LMTK3: variants seen among roughly 807,000 people sequenced by gnomAD.
The protein encoded by LMTK3 is serine/threonine-protein kinase LMTK3.
Under a neutral mutation model 116.7 loss-of-function variants are expected in LMTK3, and 27 were observed. That is an observed-to-expected ratio of 0.23 (90% confidence interval 0.17 to 0.32). The LOEUF is 0.32. LMTK3 is among the 10% of genes least tolerant of loss of function. The probability of loss-of-function intolerance (pLI) is 1.00; values close to 1 mark genes in which losing one functional copy is unlikely to be tolerated. For missense variants in LMTK3, 1,764 were observed against 2,068.5 expected (o/e 0.85, Z 2.86); for synonymous variants, 965 against 971.0 (o/e 0.99, Z 0.11).
chr19:48,485,443 A>C lies in LMTK3; in HGVS notation c.*330T>G. Reference sequence around the variant, plus strand: ...TGTCTTGGGCCAGGAGTGGGTGAGGAGGGACCTCCGCTGTGTCGAGGGGCT... The same window carrying C: ...TGTCTTGGGCCAGGAGTGGGTGAGGCGGGACCTCCGCTGTGTCGAGGGGCT... On this transcript the variant is annotated 3_prime_UTR_variant, in exon 15 of 15. Transcript: ENST00000600059. 1 of 288,206 alleles carries C rather than the reference A, an allele frequency of 3.5e-6. No homozygotes were observed. The allele number at this position is 288,206 out of a possible 1,614,324, so 17.9% of individuals were successfully genotyped here.
At chr19:48,502,828 C>T (rs557134234) in intron 6 of LMTK3, 81 bp downstream of exon 6, 27 of 1,073,466 alleles carry the variant, frequency 2.5e-5, no homozygotes, top group African/African-American at 1.1e-4. Flanking sequence ...ATGATGACGA[C>T]GAAGCCCAGG....
chr19:48,503,278 C>G (rs1479709295), intron 5 of LMTK3, among the ~76,000 whole-genome samples: 4 of 152,128 alleles, frequency 2.6e-5, no homozygotes, highest in African/African-American at 9.7e-5. Context: ...GAACTCCTGA[C>G]CTCAAGTGAT....
Position 48,487,031 on chromosome 19 carries a change from A to ATTT in LMTK3, c.4367-1245_4367-1243dup, listed in dbSNP as rs34242861. Among the ~76,000 whole-genome samples the ATTT allele has an allele frequency of 3.7e-4, 44 of 118,368 alleles. 2 individuals are homozygous for ATTT. Among genetic ancestry groups the ATTT allele is most frequent in the African/African-American group, 1.3e-3 (42 of 31,386 alleles). The allele number at this position is 118,368 out of a possible 152,430, so 77.7% of individuals were successfully genotyped here. ...CAGGTGCCTGCCACCACACCCGGCT[A>ATTT]TTTTTTTTTTTTTTTTTTTTTAAGA... On this transcript the variant is annotated intron_variant, in intron 14 of 14. Coordinates refer to ENST00000600059, the MANE Select transcript of LMTK3 (RefSeq NM_001388485.1).
Position 48,500,112 on chromosome 19 carries a change from G to A in LMTK3, c.1152-195C>T, listed in dbSNP as rs1267882701. Among the ~76,000 whole-genome samples the A allele has an allele frequency of 1.3e-5, 2 of 151,856 alleles. No homozygotes were observed. Among genetic ancestry groups the A allele is most frequent in the Non-Finnish European group, 2.9e-5 (2 of 67,954 alleles). On this transcript the variant is annotated intron_variant, in intron 10 of 14. Transcript: ENST00000600059. This position sits in a 1 kb window ranked among gnomAD's most constrained non-coding sequence, Gnocchi z 4.0. ...AGGGACAGAGATCCAGAGACAGAGG[G>A]ACAGAGACCCAGAGAGAGAGGGACA...
intron 14 of LMTK3, among the ~76,000 whole-genome samples, chr19:48,488,320 C>G (rs1225967822): frequency 2.0e-5 from 3 of 152,122 alleles, no homozygotes; most frequent in Non-Finnish European, 4.4e-5. Flanking sequence ...CCCACCTGCC[C>G]TTGACTCTCT....
At position 48,498,801 on chromosome 19, in the gene LMTK3, C is replaced by CGGG; in HGVS notation, c.2265_2267dup (p.Pro760dup). 2 of 298,092 alleles carry CGGG rather than the reference C, an allele frequency of 6.7e-6. No homozygotes were observed. Among genetic ancestry groups the CGGG allele is most frequent in the East Asian group, 4.8e-5 (1 of 20,888 alleles). 18.5% of individuals were successfully genotyped at this position (298,092 alleles called of 1,614,324 possible). ...CCGCGGGGGCCCGAGGAGGTGGCGG[C>CGGG]GGGGGGGGGGGAGCGGGAGGTGGCC... is the stretch of plus-strand genomic sequence containing the variant. On this transcript the variant is annotated inframe_insertion, in exon 11 of 15. Coordinates refer to ENST00000600059, the MANE Select transcript of LMTK3 (RefSeq NM_001388485.1).
rs1259112275 is a variant in LMTK3 at position 48,498,843 on chromosome 19, G to C, written c.2226C>G (p.Pro742=). Residue 742 remains proline (P), a synonymous_variant, in exon 11 of 15, where the codon CCC becomes CCG. Transcript: ENST00000600059. The part of the protein sequence containing the change: ...FLDPLMGAAA[P]QYPGRGPPPA... ...GAGGTGGCCCCCGCCCGGGGTACTG[G>C]GGCGCCGCCGCCCCCATGAGGGGGT... is the stretch of plus-strand genomic sequence containing the variant. 2 of 1,249,666 alleles carry C rather than the reference G, an allele frequency of 1.6e-6. No individual in the cohort carries two copies. Among genetic ancestry groups the C allele is most frequent in the African/African-American group, 1.6e-5 (1 of 62,296 alleles). 77.4% of individuals were successfully genotyped at this position (1,249,666 alleles called of 1,614,324 possible). A position where few individuals can be genotyped will look rare whatever the true frequency, so the allele number is the denominator to read the frequency against.
In LMTK3 at chr19:48,491,713, A is replaced by G. The variant is rs893163705; in HGVS notation, c.4093-174T>C. On this transcript the variant is annotated intron_variant, in intron 12 of 14. Coordinates refer to ENST00000600059, the MANE Select transcript of LMTK3 (RefSeq NM_001388485.1). The surrounding 1 kb of genome is among the most constrained non-coding windows in gnomAD (Gnocchi z 5.1). ...GCTGGAGCCCCTAATCTGGCTTCGA[A>G]GCCTTGGGCCAGCCTTAACCTCAAC... 3.4e-4 allele frequency among the ~76,000 whole-genome samples: 52 copies of G among 152,338 alleles called. No individual in the cohort carries two copies. Among genetic ancestry groups the G allele is most frequent in the Admixed American group, 9.1e-4 (14 of 15,304 alleles).
At chr19:48,493,583 T>G (rs1392348898) in intron 12 of LMTK3, 111 bp downstream of exon 12, 2 of 797,916 alleles carry the variant, frequency 2.5e-6, no homozygotes, top group East Asian at 1.6e-4. Flanking sequence ...TCCGCCTCCC[T>G]CCAGGCCCCG....
chr19:48,485,649 G>A lies in LMTK3; in HGVS notation c.*124C>T. The A allele has an allele frequency of 9.3e-7, 1 of 1,076,830 alleles. No individual in the cohort carries two copies. The highest frequency in any genetic ancestry group is 2.1e-5 in the Admixed American group (1 of 47,310). 66.7% of individuals were successfully genotyped at this position (1,076,830 alleles called of 1,614,324 possible). On this transcript the variant is annotated 3_prime_UTR_variant, in exon 15 of 15. Transcript: ENST00000600059. ...CATGGTAGGGGAGTGGGAGGGGGAGGGCCCAGCCTCGGGGGCCTCCCCAGA... is the reference window on the plus strand; with the variant it reads ...CATGGTAGGGGAGTGGGAGGGGGAGAGCCCAGCCTCGGGGGCCTCCCCAGA...
In LMTK3 at chr19:48,511,605, T is replaced by A; in HGVS notation, c.-29A>T. ...GTCGAGGATGGCAGGGAGGTGGAGG[T>A]GGTGGCGGCTGGGGAGGAGGGGGGG... is the stretch of plus-strand genomic sequence containing the variant. On this transcript the variant is annotated 5_prime_UTR_variant, in exon 1 of 15. Coordinates refer to ENST00000600059, the MANE Select transcript of LMTK3 (RefSeq NM_001388485.1). 1 of 191,466 alleles carries A rather than the reference T, an allele frequency of 5.2e-6. No individual in the cohort carries two copies. The highest frequency in any genetic ancestry group is 8.5e-6 in the Non-Finnish European group (1 of 117,416). The allele number at this position is 191,466 out of a possible 1,614,324, so 11.9% of individuals were successfully genotyped here.
rs1375352909 is a variant in LMTK3, at chr19:48,500,858, G to A, written c.1151+138C>T. 1 of 833,288 alleles carries A rather than the reference G, an allele frequency of 1.2e-6. No individual in the cohort carries two copies. Among genetic ancestry groups the A allele is most frequent in the Non-Finnish European group, 1.8e-6 (1 of 562,246 alleles). 51.6% of individuals were successfully genotyped at this position (833,288 alleles called of 1,614,324 possible). ...CAAGTAGCAGATGCTGGCAGAAAGG[G>A]TGGGGACAGCCCCTCTTCACTCTTG... On this transcript the variant is annotated intron_variant, in intron 10 of 14. Coordinates refer to ENST00000600059, the MANE Select transcript of LMTK3 (RefSeq NM_001388485.1). This position sits in a 1 kb window ranked among gnomAD's most constrained non-coding sequence, Gnocchi z 4.0.
At position 48,486,047 on chromosome 19, in the gene LMTK3, C is replaced by CTT. The variant is rs141193575; in HGVS notation, c.4367-260_4367-259dup. 4.4e-3 allele frequency among the ~76,000 whole-genome samples: 265 copies of CTT among 59,802 alleles called. 27 individuals are homozygous for CTT. Among genetic ancestry groups the CTT allele is most frequent in the Middle Eastern group, 0.014 (1 of 70 alleles). The allele number at this position is 59,802 out of a possible 152,430, so 39.2% of individuals were successfully genotyped here. A position where few individuals can be genotyped will look rare whatever the true frequency, so the allele number is the denominator to read the frequency against. ...GTTCCCGCTGCCTGGAACATTCTTC[C>CTT]TTTTTTTTTTTTTTTTTTTTTTTTT... On this transcript the variant is annotated intron_variant, in intron 14 of 14. Coordinates refer to ENST00000600059, the MANE Select transcript of LMTK3 (RefSeq NM_001388485.1).
In LMTK3 at chr19:48,499,227, G is replaced by A; in HGVS notation, c.1842C>T (p.Gly614=). 2.9e-6 allele frequency: 4 copies of A among 1,381,752 alleles called. No homozygotes were observed. In the South Asian group the frequency reaches 6.6e-5, roughly 23 times the overall value. 85.6% of individuals were successfully genotyped at this position (1,381,752 alleles called of 1,614,324 possible). ...CCGCCAGGGTCTCCCCGGCGCCCCG[G>A]CCCTCGGGGTCCCAGCCGCTCAGCA... ...SFLLSGWDPE[G]RGAGETLAGD... The change falls in exon 11 of 15, where the codon GGC becomes GGT. Residue 614 remains glycine, a synonymous_variant. Transcript: ENST00000600059.
At position 48,498,780 on chromosome 19, in the gene LMTK3, G is replaced by A. The variant is rs1238752654; in HGVS notation, c.2289C>T (p.Pro763=). The change falls in exon 11 of 15, where the codon CCC becomes CCT. Residue 763 remains proline (P), a synonymous_variant. Coordinates refer to ENST00000600059, the MANE Select transcript of LMTK3 (RefSeq NM_001388485.1). ...PPPPPPPPRA[P]ADPAASPDPP... ...GGTCGGGGGACGCGGCCGGGTCCGC[G>A]GGGGCCCGAGGAGGTGGCGGCGGGG... The A allele has an allele frequency of 4.4e-6, 6 of 1,364,480 alleles. No individual in the cohort carries two copies. The highest frequency in any genetic ancestry group is 5.7e-6 in the Non-Finnish European group (6 of 1,054,612). 84.5% of individuals were successfully genotyped at this position (1,364,480 alleles called of 1,614,324 possible).
chr19:48,499,341 G>A lies in LMTK3; in HGVS notation c.1728C>T (p.Val576=). Residue 576 remains valine (V), a synonymous_variant, in exon 11 of 15, where the codon GTC becomes GTT. Transcript: ENST00000600059. ...APQAPQAPSE[V]PQLVSETWAS... ...CCCAGGTCTCGGACACCAGCTGGGG[G>A]ACCTCGGAGGGGGCCTGGGGGGCCT... The A allele has an allele frequency of 2.1e-6, 3 of 1,420,652 alleles. No individual in the cohort carries two copies. Among genetic ancestry groups the A allele is most frequent in the Non-Finnish European group, 2.8e-6 (3 of 1,081,894 alleles). The allele number at this position is 1,420,652 out of a possible 1,614,324, so 88.0% of individuals were successfully genotyped here.
At chr19:48,503,127 G>T in intron 5 of LMTK3, 131 bp from the exon 6 acceptor site, 1 of 672,802 alleles carries the variant, frequency 1.5e-6, no homozygotes. Flanking sequence ...GTTTTGAGAC[G>T]GAGTCTCGCT....
In LMTK3 at chr19:48,493,995, TC is replaced by T. The variant is rs1373374365; in HGVS notation, c.3790del (p.Glu1264ArgfsTer52). The stretch of plus-strand genomic sequence containing the variant: ...CCCCGGCGCTCCCGCCCCGCCGGCC[TC>T]CCCGCCAGCCGCCCCGGCGTCCGCG... ...EGADAGAAGG[E>X]AGGAGAPGPA... On this transcript the variant is annotated frameshift_variant, in exon 12 of 15. Coordinates refer to ENST00000600059, the MANE Select transcript of LMTK3 (RefSeq NM_001388485.1). LOFTEE classifies it high-confidence loss of function. 1 of 1,080,888 alleles carries T rather than the reference TC, an allele frequency of 9.3e-7. No individual in the cohort carries two copies. Among genetic ancestry groups the T allele is most frequent in the Non-Finnish European group, 1.1e-6 (1 of 895,534 alleles). 67.0% of individuals were successfully genotyped at this position (1,080,888 alleles called of 1,614,324 possible). A position where few individuals can be genotyped will look rare whatever the true frequency, so the allele number is the denominator to read the frequency against.
rs546682357 is a variant in LMTK3, at chr19:48,510,380, C to G, written c.210+79G>C. ...GCTCTCGGATTTACTGCCCCCTTCT[C>G]CCCACCAACCACCTGTGTAGGGGGT... On this transcript the variant is annotated intron_variant, in intron 2 of 14. Transcript: ENST00000600059. 2.0e-6 allele frequency: 3 copies of G among 1,516,768 alleles called. No homozygotes were observed. In the East Asian group the frequency reaches 7.3e-5, roughly 37 times the overall value. 94.0% of individuals were successfully genotyped at this position (1,516,768 alleles called of 1,614,324 possible). A position where few individuals can be genotyped will look rare whatever the true frequency, so the allele number is the denominator to read the frequency against.
Sources: allele counts gnomAD v4.1 joint callset (sites outside exome capture counted in the v4.1 genomes callset), GRCh38; gene constraint gnomAD v4.1.1; non-coding constraint Gnocchi (gnomAD v3.1); transcripts MANE v1.5; gene names NCBI Gene and HGNC (gene_info 2026-07-23, HGNC 2026-07-21).